Variants in CYB5R3 observed in about 807,000 individuals in gnomAD.
CYB5R3 encodes the protein NADH-cytochrome b5 reductase 3.
In CYB5R3, 28 loss-of-function variants were observed where a neutral mutation model predicts 36.5. That is an observed-to-expected ratio of 0.77 (90% CI 0.57 to 1.05). CYB5R3 has a LOEUF of 1.05. CYB5R3 is among the 50% of genes least tolerant of loss of function. The pLI, the probability that CYB5R3 is intolerant of heterozygous loss-of-function variation, is 0.00. For synonymous variants in CYB5R3, 181 were observed against 159.8 expected (o/e 1.13, Z -1.00); for missense variants, 474 against 408.9 (o/e 1.16, Z -1.37).
Position 42,631,444 on chromosome 22 carries a change from T to C in CYB5R3, c.160A>G (p.Ser54Gly), listed in dbSNP as rs774095799. The change falls in exon 3 of 9, where the codon AGC (serine) becomes GGC (glycine). Residue 54 changes from serine to glycine, a missense_variant. Ser to Gly is a moderately conservative substitution (Grantham distance 56). Transcript: ENST00000352397. Reference protein sequence around the residue: ...PLRLIDREIISHDTRRFRFAL... With the variant: ...PLRLIDREIIGHDTRRFRFAL... ...AAGCGGAAGCGCCGGGTGTCATGGC[T>C]GATGATCTGGAGAGAGGCCCAAAGC... 6 of 1,551,530 alleles carry C rather than the reference T, an allele frequency of 3.9e-6. No individual in the cohort carries two copies. The South Asian group carries it at 7.1e-5, about 18-fold the overall frequency.
chr22:42,639,604 G>T (rs1682939177), intron 1 of CYB5R3, among the ~76,000 whole-genome samples: 1 of 150,434 alleles, frequency 6.6e-6, no homozygotes, highest in Admixed American at 6.7e-5. Context: ...CTCCAGCCTG[G>T]GTGACAAGAG....
At chr22:42,639,725 C>T (rs1266702089) in intron 1 of CYB5R3, 1 of 486,178 alleles carries the variant, frequency 2.1e-6, no homozygotes, top group Non-Finnish European at 3.7e-6. Flanking sequence ...AAAGGAATGT[C>T]CTTGTTCTTA....
intron 7 of CYB5R3, among the ~76,000 whole-genome samples, chr22:42,626,480 T>A (rs1047024245): frequency 6.6e-6 from 1 of 152,208 alleles, no homozygotes; most frequent in African/African-American, 2.4e-5. Flanking sequence ...ACAGACGGTC[T>A]GACGGCCTCC....
At chr22:42,630,613 T>A (rs1219428834) in intron 4 of CYB5R3, among the ~76,000 whole-genome samples, 1 of 152,186 alleles carries the variant, frequency 6.6e-6, no homozygotes, top group Non-Finnish European at 1.5e-5. Context: ...TCTTTGGCTT[T>A]TGTTGGTAAA....
In CYB5R3 at chr22:42,619,934, C is replaced by T. The variant is rs775763227; in HGVS notation, c.745G>A (p.Gly249Ser). ...LDRAPEAWDY[G>S]QGFVNEEMIR... ...ATCTCCTCATTCACGAAGCCCTGGCCGTAGTCCCAGGCTGTGGGGTGAGAG... is the reference window on the plus strand; with the variant it reads ...ATCTCCTCATTCACGAAGCCCTGGCTGTAGTCCCAGGCTGTGGGGTGAGAG... Residue 249 changes from glycine (G) to serine (S), a missense_variant, in exon 9 of 9, where the codon GGC becomes AGC. Physicochemically the swap from Gly to Ser is moderately conservative, Grantham distance 56. Coordinates refer to ENST00000352397, the MANE Select transcript of CYB5R3 (RefSeq NM_000398.7). 85 of 1,601,426 alleles carry T rather than the reference C, an allele frequency of 5.3e-5. No homozygotes were observed. Among genetic ancestry groups the T allele is most frequent in the Middle Eastern group, 1.6e-4 (1 of 6,074 alleles).
intron 5 of CYB5R3, 76 bp from the exon 6 acceptor site, chr22:42,627,764 T>A: frequency 1.1e-5 from 12 of 1,099,224 alleles, no homozygotes; most frequent in Non-Finnish European, 1.5e-5. Flanking sequence ...GAGAGGGGGC[T>A]GGAGAACCTG....
At chr22:42,638,728 T>TCAAAAAAAAAAAAA (rs1569324852) in intron 1 of CYB5R3, among the ~76,000 whole-genome samples, 1 of 47,488 alleles carries the variant, frequency 2.1e-5, no homozygotes, top group African/African-American at 1.1e-4. Context: ...CAAGACTCCA[T>TCAAAAAAAAAAAAA]AAAAAAAAAA....
In CYB5R3 at chr22:42,619,483, G is replaced by A; in HGVS notation, c.*290C>T. 2 of 489,760 alleles carry A rather than the reference G, an allele frequency of 4.1e-6. No individual in the cohort carries two copies. Among genetic ancestry groups the A allele is most frequent in the Admixed American group, 3.3e-5 (1 of 30,194 alleles). 30.3% of individuals were successfully genotyped at this position (489,760 alleles called of 1,614,324 possible). ...GGCAGCCCTCAGCCTTATAGTGTGTGTGGGGGGTGGACGAGGGGTCATGAG... is the reference window on the plus strand; with the variant it reads ...GGCAGCCCTCAGCCTTATAGTGTGTATGGGGGGTGGACGAGGGGTCATGAG... On this transcript the variant is annotated 3_prime_UTR_variant, in exon 9 of 9. Transcript: ENST00000352397.
At position 42,628,061 on chromosome 22, in the gene CYB5R3, G is replaced by C. The variant is rs1015392030; in HGVS notation, c.463+91C>G. 1.1e-5 allele frequency: 17 copies of C among 1,565,114 alleles called. No individual in the cohort carries two copies. In the African/African-American group the frequency reaches 2.0e-4, roughly 19 times the overall value. On this transcript the variant is annotated intron_variant, in intron 5 of 8. Transcript: ENST00000352397. ...CTGACGAGAGTCACCCATCCACACA[G>C]AGCCAGGGGCCTGCACCCTGCACCC...
In CYB5R3 at chr22:42,649,303, G is replaced by T; in HGVS notation, c.13C>A (p.Leu5Ile). The T allele has an allele frequency of 9.7e-7, 1 of 1,026,658 alleles. No homozygotes were observed. The highest frequency in any genetic ancestry group is 1.2e-6 in the Non-Finnish European group (1 of 852,996). The allele number at this position is 1,026,658 out of a possible 1,614,324, so 63.6% of individuals were successfully genotyped here. A position where few individuals can be genotyped will look rare whatever the true frequency, so the allele number is the denominator to read the frequency against. Residue 5 changes from leucine (L) to isoleucine (I), a missense_variant, in exon 1 of 9, where the codon CTC becomes ATC. Physicochemically the swap from Leu to Ile is conservative, Grantham distance 5. Transcript: ENST00000352397. MGAQLSTLGHMVLFP... is the reference protein window; with the variant it reads MGAQISTLGHMVLFP... The stretch of plus-strand genomic sequence containing the variant: ...GCCCCCTCCCCGCCTACCGTGCTGA[G>T]CTGGGCCCCCATGGTGGCCCCGCGC...
At position 42,619,583 on chromosome 22, in the gene CYB5R3, T is replaced by C. The variant is rs1222672039; in HGVS notation, c.*190A>G. 6.5e-6 allele frequency: 4 copies of C among 610,900 alleles called. No individual in the cohort carries two copies. Among genetic ancestry groups the C allele is most frequent in the Non-Finnish European group, 1.2e-5 (4 of 345,708 alleles). 37.8% of individuals were successfully genotyped at this position (610,900 alleles called of 1,614,324 possible). Reference sequence around the variant, plus strand: ...AGGACGTACTCTGAAGGCTCAGCCGTGGCCCATCTGGGACACAGCCCTGCT... The same window carrying C: ...AGGACGTACTCTGAAGGCTCAGCCGCGGCCCATCTGGGACACAGCCCTGCT... On this transcript the variant is annotated 3_prime_UTR_variant, in exon 9 of 9. Coordinates refer to ENST00000352397, the MANE Select transcript of CYB5R3 (RefSeq NM_000398.7).
At chr22:42,647,970 G>A (rs1356327931) in intron 1 of CYB5R3, among the ~76,000 whole-genome samples, 4 of 152,214 alleles carry the variant, frequency 2.6e-5, no homozygotes, top group African/African-American at 4.8e-5. Context: ...AAAAACAGCA[G>A]GGAAGGGTTG....
intron 8 of CYB5R3, among the ~76,000 whole-genome samples, chr22:42,622,067 C>A (rs1443082081): frequency 5.1e-5 from 2 of 39,122 alleles, no homozygotes; most frequent in African/African-American, 1.1e-4. Flanking sequence ...GGACTACAGG[C>A]ACGCGACACA....
chr22:42,628,413 C>T (rs1036984055), intron 4 of CYB5R3, 132 bp from the exon 5 acceptor site: 23 of 1,142,408 alleles, frequency 2.0e-5, no homozygotes, highest in East Asian at 2.5e-5. Context: ...CCGTGGAGCC[C>T]CATCCACCCA....
chr22:42,635,127 G>A (rs1283317817), intron 2 of CYB5R3, among the ~76,000 whole-genome samples: 6 of 152,118 alleles, frequency 3.9e-5, no homozygotes, highest in Non-Finnish European at 8.8e-5. Flanking sequence ...CTGCCACCAC[G>A]CCTGGCTAAT....
At chr22:42,644,025 T>C (rs1168863065) in intron 1 of CYB5R3, among the ~76,000 whole-genome samples, 2 of 151,706 alleles carry the variant, frequency 1.3e-5, no homozygotes, top group Non-Finnish European at 2.9e-5. Context: ...CTGCCCGGAG[T>C]ACACCAAAGC....
intron 1 of CYB5R3, among the ~76,000 whole-genome samples, chr22:42,639,457 G>T (rs1439321419): frequency 6.6e-6 from 1 of 151,950 alleles, no homozygotes; most frequent in East Asian, 1.9e-4. Flanking sequence ...GAAAAACCGC[G>T]TCTCTACCAA....
At chr22:42,628,045 G>C in intron 5 of CYB5R3, 107 bp downstream of exon 5, 1 of 1,488,130 alleles carries the variant, frequency 6.7e-7, no homozygotes, top group Non-Finnish European at 9.3e-7. Context: ...CCTGACGAGA[G>C]TCACCCATCC....
intron 1 of CYB5R3, among the ~76,000 whole-genome samples, chr22:42,637,295 G>T (rs114930989): frequency 1.7e-3 from 266 of 152,252 alleles, no homozygotes; most frequent in African/African-American, 5.8e-3. Context: ...TAGACAAACA[G>T]ACAAATAATA....
Sources: allele counts gnomAD v4.1 joint callset (sites outside exome capture counted in the v4.1 genomes callset), GRCh38; gene constraint gnomAD v4.1.1; transcripts MANE v1.5; gene names NCBI Gene and HGNC (gene_info 2026-07-23, HGNC 2026-07-21).